CLCA4: variants seen among roughly 807,000 people sequenced by gnomAD.
The protein encoded by CLCA4 is calcium-activated chloride channel regulator 4.
In CLCA4, 69 loss-of-function variants were observed where a neutral mutation model predicts 78.9. That is an observed-to-expected ratio of 0.87 (90% confidence interval 0.72 to 1.07). CLCA4 has a LOEUF of 1.07. Ranked by LOEUF, CLCA4 falls within the 50% of genes least tolerant of loss-of-function variation. The pLI, the probability that CLCA4 is intolerant of heterozygous loss-of-function variation, is 0.00. For synonymous variants in CLCA4, 362 were observed against 375.8 expected (o/e 0.96, Z 0.42); for missense variants, 1,133 against 1,095.8 (o/e 1.03, Z -0.48).
At position 86,577,977 on chromosome 1, in the gene CLCA4, T is replaced by G; in HGVS notation, c.2027T>G (p.Leu676Ter). ...TAYTENGRYS[L>*]KVRAHGGANT... ...TATACAGAAAATGGCAGATATAGCTTAAAAGTTCGGGCTCATGGAGGAGCA... is the reference window on the plus strand; with the variant it reads ...TATACAGAAAATGGCAGATATAGCTGAAAAGTTCGGGCTCATGGAGGAGCA... The change falls in exon 12 of 14, where the codon TTA becomes TGA. Residue 676 changes from leucine to a stop codon, truncating the protein, a stop_gained. Coordinates refer to ENST00000370563, the MANE Select transcript of CLCA4 (RefSeq NM_012128.4). LOFTEE classifies it high-confidence loss of function. 1 of 1,612,884 alleles carries G rather than the reference T, an allele frequency of 6.2e-7. No homozygotes were observed. The highest frequency in any genetic ancestry group is 8.5e-7 in the Non-Finnish European group (1 of 1,179,346).
chr1:86,559,310 C>A (rs1649944267), intron 1 of CLCA4, among the ~76,000 whole-genome samples: 1 of 152,072 alleles, frequency 6.6e-6, no homozygotes, highest in South Asian at 2.1e-4. Flanking sequence ...TCACACCTCC[C>A]ACCCACACAG....
At chr1:86,559,418 T>G (rs1649947556) in intron 1 of CLCA4, among the ~76,000 whole-genome samples, 1 of 152,174 alleles carries the variant, frequency 6.6e-6, no homozygotes, top group South Asian at 2.1e-4. Context: ...CAACTAAGCC[T>G]GTTTTCTACG....
At chr1:86,574,833 G>A (rs1355545221) in intron 10 of CLCA4, 78 bp downstream of exon 10, 1 of 1,049,100 alleles carries the variant, frequency 9.5e-7, no homozygotes, top group Non-Finnish European at 1.5e-6. Flanking sequence ...ATAAATGTCA[G>A]TACCAAAGGC....
intron 9 of CLCA4, among the ~76,000 whole-genome samples, chr1:86,573,629 A>T (rs1424659883): frequency 3.3e-5 from 5 of 152,044 alleles, no homozygotes; most frequent in Non-Finnish European, 7.4e-5. Context: ...TTGTTTGGAC[A>T]TCTTGTCTGC....
rs190153611 is a variant in CLCA4, at chr1:86,555,667, C to T, written c.160-4265C>T. On this transcript the variant is annotated intron_variant, in intron 1 of 13. Transcript: ENST00000370563. ...GTTTTGTTCTTTTTGCTTAAGATTG[C>T]CTTGGCTGTTCAGGCTCTTTTTTAT... Among the ~76,000 whole-genome samples the T allele has an allele frequency of 1.3e-3, 205 of 152,162 alleles. 1 individual carries two copies. The Middle Eastern group carries it at 0.024, about 18-fold the overall frequency.
rs186109240 is a variant in CLCA4, at chr1:86,566,404, A to G, written c.954+384A>G. On this transcript the variant is annotated intron_variant, in intron 6 of 13. Coordinates refer to ENST00000370563, the MANE Select transcript of CLCA4 (RefSeq NM_012128.4). ...TAGGACTTGGAATCATGTCTTATTC[A>G]TCTTTATCCCCATTTCCTAGAATAA... Among the ~76,000 whole-genome samples the G allele has an allele frequency of 1.5e-3, 223 of 152,238 alleles. 3 individuals carry two copies. Among genetic ancestry groups the G allele is most frequent in the Admixed American group, 0.013 (206 of 15,276 alleles).
At chr1:86,547,998 A>G (rs1649548313) in intron 1 of CLCA4, among the ~76,000 whole-genome samples, 2 of 152,128 alleles carry the variant, frequency 1.3e-5, no homozygotes, top group African/African-American at 4.8e-5. Context: ...TGGTCATTCT[A>G]TTTTTAGATT....
At chr1:86,548,510 G>A (rs1225583341) in intron 1 of CLCA4, among the ~76,000 whole-genome samples, 1 of 148,716 alleles carries the variant, frequency 6.7e-6, no homozygotes, top group East Asian at 1.9e-4. Context: ...TTGAAACTCC[G>A]CCTTCACTAA....
chr1:86,565,089 T>A (rs1245679783), intron 4 of CLCA4, among the ~76,000 whole-genome samples, 185 bp from the exon 5 acceptor site: 1 of 152,038 alleles, frequency 6.6e-6, no homozygotes, highest in African/African-American at 2.4e-5. Context: ...CCCTCTAGAA[T>A]TTCTTAAAAA....
chr1:86,563,321 C>T (rs1650079805), intron 3 of CLCA4, among the ~76,000 whole-genome samples: 1 of 151,100 alleles, frequency 6.6e-6, no homozygotes, highest in African/African-American at 2.4e-5. Context: ...TTTAACATCC[C>T]CATGGTTATA....
intron 1 of CLCA4, among the ~76,000 whole-genome samples, chr1:86,557,864 G>A (rs998716268): frequency 2.6e-5 from 4 of 151,938 alleles, no homozygotes; most frequent in African/African-American, 4.8e-5. Flanking sequence ...GAATTTGGGT[G>A]CTCCTTTGTT....
chr1:86,553,160 G>A (rs1332121956), intron 1 of CLCA4: 2 of 1,024,088 alleles, frequency 2.0e-6, no homozygotes, highest in Non-Finnish European at 3.1e-6. Flanking sequence ...ACGTGGCAAT[G>A]AGGATTGAGC....
Position 86,579,427 on chromosome 1 carries a change from A to G in CLCA4, c.2196A>G (p.Arg732=), listed in dbSNP as rs768010568. 1.2e-6 allele frequency: 2 copies of G among 1,613,364 alleles called. No homozygotes were observed. The highest frequency in any genetic ancestry group is 1.7e-5 in the Admixed American group (1 of 59,908). ...AGACCACCTTGGAGGATTTCAGCCG[A>G]ACAGCATCCGGAGGTGCATTTGTGG... ...DTQTTLEDFS[R]TASGGAFVVS... The change falls in exon 13 of 14, where the codon CGA becomes CGG. Residue 732 remains arginine, a synonymous_variant. Transcript: ENST00000370563.
intron 3 of CLCA4, among the ~76,000 whole-genome samples, chr1:86,562,111 G>T (rs1650040511): frequency 6.6e-6 from 1 of 152,000 alleles, no homozygotes; most frequent in African/African-American, 2.4e-5. Flanking sequence ...GCAAGGAAGG[G>T]GAGAGAGAAA....
At chr1:86,548,222 GT>G (rs1649554725) in intron 1 of CLCA4, among the ~76,000 whole-genome samples, 1 of 151,958 alleles carries the variant, frequency 6.6e-6, no homozygotes, top group Non-Finnish European at 1.5e-5. Flanking sequence ...TCATATACTT[GT>G]TGGACATTTG....
At position 86,566,631 on chromosome 1, in the gene CLCA4, A is replaced by G. The variant is rs1025640697; in HGVS notation, c.954+611A>G. Among the ~76,000 whole-genome samples, 4 of 152,046 alleles carry G rather than the reference A, an allele frequency of 2.6e-5. No individual in the cohort carries two copies. In the East Asian group the frequency reaches 7.7e-4, roughly 29 times the overall value. On this transcript the variant is annotated intron_variant, in intron 6 of 13. Transcript: ENST00000370563. ...GATAGAACTGAAGGAATTGAGCCAC[A>G]ACAATGCAGATAGTGGAGACAGCAT...
intron 2 of CLCA4, 27 bp downstream of exon 2, chr1:86,560,099 A>T (rs1279862696): frequency 1.3e-6 from 2 of 1,562,072 alleles, no homozygotes; most frequent in African/African-American, 1.4e-5. Context: ...TCTCTTAAAA[A>T]ATTATATTTT....
At chr1:86,565,234 G>C (rs767278663) in intron 4 of CLCA4, 40 bp from the exon 5 acceptor site, 1 of 1,423,900 alleles carries the variant, frequency 7.0e-7, no homozygotes. Flanking sequence ...AAGTGCTAAT[G>C]ATTCAGTTGC....
At chr1:86,560,564 T>A (rs963532658) in intron 3 of CLCA4, among the ~76,000 whole-genome samples, 1 of 152,208 alleles carries the variant, frequency 6.6e-6, no homozygotes, top group Non-Finnish European at 1.5e-5. Flanking sequence ...TTCTACCTTG[T>A]AAAATATTTG....
Sources: gnomAD v4.1 joint callset for allele counts (sites outside exome capture counted in the v4.1 genomes callset) on GRCh38, gnomAD v4.1.1 for gene constraint, MANE v1.5 for transcripts, NCBI Gene and HGNC (gene_info 2026-07-23, HGNC 2026-07-21) for gene names.